TMC1: variants seen among roughly 807,000 people sequenced by gnomAD.
The protein encoded by TMC1 is transmembrane channel like 1.
In TMC1, 84 loss-of-function variants were observed where a neutral mutation model predicts 105.8. The observed-to-expected ratio is 0.79, with a 90% CI of 0.67 to 0.95. The LOEUF is 0.95. TMC1 is among the 40% of genes least tolerant of loss of function. The pLI, the probability that TMC1 is intolerant of heterozygous loss-of-function variation, is 0.00. For synonymous variants in TMC1, 315 were observed against 311.5 expected (o/e 1.01, Z -0.12); for missense variants, 817 against 914.1 (o/e 0.89, Z 1.37).
At chr9:72,665,190 C>T (rs1032409462) in intron 5 of TMC1, among the ~76,000 whole-genome samples, 24 of 152,086 alleles carry the variant, frequency 1.6e-4, no homozygotes, top group African/African-American at 5.1e-4. Context: ...ACTGAAGTGT[C>T]GTTATGTGGT....
intron 12 of TMC1, among the ~76,000 whole-genome samples, chr9:72,757,373 A>G (rs1250318747): frequency 1.3e-5 from 2 of 152,218 alleles, no homozygotes; most frequent in Non-Finnish European, 1.5e-5. Context: ...AGAAAATAAT[A>G]GTATCTACCT....
chr9:72,831,441 A>G (rs1042221002), intron 23 of TMC1, among the ~76,000 whole-genome samples: 1 of 151,726 alleles, frequency 6.6e-6, no homozygotes, highest in African/African-American at 2.4e-5. Flanking sequence ...ATATATATAT[A>G]TATTTTTTAA....
chr9:72,714,462 T>A (rs1438881734), intron 8 of TMC1, among the ~76,000 whole-genome samples: 1 of 152,216 alleles, frequency 6.6e-6, no homozygotes, highest in Non-Finnish European at 1.5e-5. Flanking sequence ...ATTGGGTGCA[T>A]ATATATTTAG....
intron 8 of TMC1, among the ~76,000 whole-genome samples, chr9:72,703,001 T>A (rs150983504): frequency 1.3e-5 from 2 of 152,282 alleles, no homozygotes; most frequent in African/African-American, 4.8e-5. Context: ...TTGGCCCACA[T>A]GTGTTTTGTT....
intron 11 of TMC1, among the ~76,000 whole-genome samples, chr9:72,753,590 A>T (rs1002969624): frequency 3.9e-5 from 6 of 152,020 alleles, no homozygotes; most frequent in African/African-American, 1.4e-4. Context: ...ACCCTTTTAT[A>T]GGTTGTATTA....
intron 5 of TMC1, among the ~76,000 whole-genome samples, chr9:72,681,403 A>T (rs991219106): frequency 2.6e-5 from 4 of 151,414 alleles, no homozygotes; most frequent in Non-Finnish European, 4.4e-5. Context: ...TTTTTTTTTG[A>T]AAAAGCCAGC....
At chr9:72,703,998 C>T (rs1198770301) in intron 8 of TMC1, among the ~76,000 whole-genome samples, 2 of 152,244 alleles carry the variant, frequency 1.3e-5, no homozygotes, top group Non-Finnish European at 2.9e-5. Flanking sequence ...GAGCTTCTCC[C>T]CACCAGATTC....
At chr9:72,830,799 A>G in intron 23 of TMC1, 117 bp downstream of exon 23, 1 of 870,742 alleles carries the variant, frequency 1.1e-6, no homozygotes, top group Admixed American at 2.6e-5. Flanking sequence ...GCTGTGAGCG[A>G]GTCATTCCAC....
chr9:72,693,074 T>C lies in TMC1; in HGVS notation c.65-1469T>C, dbSNP rs566063766. Among the ~76,000 whole-genome samples the C allele has an allele frequency of 1.1e-3, 159 of 151,160 alleles. 1 individual carries two copies. Among genetic ancestry groups the C allele is most frequent in the African/African-American group, 3.8e-3 (155 of 41,054 alleles). ...GCTGGAGGTTGCAGTGAGCCGAGAC[T>C]GTGCTATTGTACTCCAGCTTGGGTG... On this transcript the variant is annotated intron_variant, in intron 6 of 23. Coordinates refer to ENST00000297784, the MANE Select transcript of TMC1 (RefSeq NM_138691.3).
chr9:72,629,932 C>G (rs553523602), intron 4 of TMC1, among the ~76,000 whole-genome samples: 1 of 152,198 alleles, frequency 6.6e-6, no homozygotes, highest in South Asian at 2.1e-4. Context: ...ATGGCGTGAT[C>G]TTGGCTCACT....
chr9:72,815,573 TTAA>T (rs1171712711), intron 18 of TMC1, among the ~76,000 whole-genome samples: 14 of 152,248 alleles, frequency 9.2e-5, no homozygotes, highest in African/African-American at 2.9e-4. Context: ...ATATAGTTGA[TTAA>T]TGTGTGGCTT....
intron 2 of TMC1, among the ~76,000 whole-genome samples, chr9:72,604,896 A>G (rs1053296662): frequency 2.6e-5 from 4 of 152,246 alleles, no homozygotes; most frequent in African/African-American, 9.6e-5. Context: ...TGTGTTTCCA[A>G]ATGCAGTGTT....
At chr9:72,547,166 A>G (rs1386321877) in intron 1 of TMC1, among the ~76,000 whole-genome samples, 1 of 152,106 alleles carries the variant, frequency 6.6e-6, no homozygotes, top group African/African-American at 2.4e-5. Context: ...GTGCGCCTGT[A>G]ATCCCAGCTA....
At chr9:72,771,790 G>C (rs1036772774) in intron 12 of TMC1, among the ~76,000 whole-genome samples, 1 of 152,136 alleles carries the variant, frequency 6.6e-6, no homozygotes, top group Non-Finnish European at 1.5e-5. Flanking sequence ...CTTTGAGAGA[G>C]GGTGATTTCA....
chr9:72,833,220 T>A (rs565227100), intron 23 of TMC1, among the ~76,000 whole-genome samples: 50 of 152,332 alleles, frequency 3.3e-4, no homozygotes, highest in African/African-American at 1.1e-3. Context: ...AGCCAAGTAG[T>A]AAACTATGAT....
At chr9:72,539,238 AC>A (rs1290717068) in intron 1 of TMC1, among the ~76,000 whole-genome samples, 20 of 143,436 alleles carry the variant, frequency 1.4e-4, no homozygotes, top group Non-Finnish European at 7.7e-5. Flanking sequence ...CAAAAAAAAA[AC>A]AACAACAAAA....
At chr9:72,694,480 T>A in intron 6 of TMC1, 63 bp from the exon 7 acceptor site, 1 of 1,461,070 alleles carries the variant, frequency 6.8e-7, no homozygotes, top group Non-Finnish European at 9.5e-7. Flanking sequence ...AAACTAAGAA[T>A]AAGCTTGGTA....
chr9:72,651,588 T>C (rs888234448), intron 5 of TMC1: 3 of 152,060 alleles, frequency 2.0e-5, no homozygotes, highest in Non-Finnish European at 4.4e-5. Context: ...ATGTGCATGA[T>C]GTCTCTGTCT....
chr9:72,588,196 G>A (rs1000052393), intron 2 of TMC1, among the ~76,000 whole-genome samples: 38 of 152,260 alleles, frequency 2.5e-4, no homozygotes, highest in African/African-American at 8.9e-4. Context: ...GATGGTGTGA[G>A]AATTTAAAGA....
Sources: gnomAD v4.1 joint callset for allele counts (sites outside exome capture counted in the v4.1 genomes callset) on GRCh38, gnomAD v4.1.1 for gene constraint, MANE v1.5 for transcripts, NCBI Gene and HGNC (gene_info 2026-07-23, HGNC 2026-07-21) for gene names.